SAMD12: variants seen among roughly 807,000 people sequenced by gnomAD.
SAMD12 encodes sterile alpha motif domain-containing protein 12.
SAMD12 carries 9 observed loss-of-function variants against 15.0 expected under a neutral mutation model. The ratio of observed to expected loss-of-function variants is 0.60; its 90% confidence interval spans 0.36 to 1.05. SAMD12 has a LOEUF of 1.05. Among genes scored for constraint, SAMD12 ranks in the 50% least tolerant of loss-of-function variants. The pLI is 0.01. For missense variants in SAMD12, 230 were observed against 234.2 expected (o/e 0.98, Z 0.12); for synonymous variants, 86 against 90.1 (o/e 0.96, Z 0.25).
chr8:118,307,227 T>C (rs1375530794), intron 4 of SAMD12, among the ~76,000 whole-genome samples: 2 of 152,218 alleles, frequency 1.3e-5, no homozygotes, highest in Non-Finnish European at 2.9e-5. Flanking sequence ...ACCTATACTT[T>C]ATTCAAGTGG....
chr8:118,262,967 T>C (rs1036938816), intron 4 of SAMD12, among the ~76,000 whole-genome samples: 1 of 152,124 alleles, frequency 6.6e-6, no homozygotes, highest in South Asian at 2.1e-4. Flanking sequence ...ATTAGTTTTA[T>C]TTTTATAATT....
chr8:118,243,132 T>C (rs1425782489), intron 4 of SAMD12, among the ~76,000 whole-genome samples: 1 of 152,180 alleles, frequency 6.6e-6, no homozygotes, highest in African/African-American at 2.4e-5. Context: ...AACCTTGAGC[T>C]AGATGTACAC....
chr8:118,606,663 G>C (rs1029626142), intron 1 of SAMD12, among the ~76,000 whole-genome samples: 4 of 152,050 alleles, frequency 2.6e-5, no homozygotes, highest in African/African-American at 7.2e-5. Flanking sequence ...CAGCATAGTG[G>C]TACTTAGCAA....
At chr8:118,210,350 A>T (rs751343746) in intron 4 of SAMD12, among the ~76,000 whole-genome samples, 25 of 152,160 alleles carry the variant, frequency 1.6e-4, no homozygotes, top group Non-Finnish European at 1.5e-4. Flanking sequence ...CCAGGATGAA[A>T]CCTGCTCTGG....
chr8:118,617,689 G>A (rs2131327227), intron 1 of SAMD12, among the ~76,000 whole-genome samples: 1 of 152,156 alleles, frequency 6.6e-6, no homozygotes, highest in South Asian at 2.1e-4. Context: ...AAAGGAATTG[G>A]GGATGAGGGG....
chr8:118,285,917 G>T (rs188579140), intron 4 of SAMD12, among the ~76,000 whole-genome samples: 1 of 152,252 alleles, frequency 6.6e-6, no homozygotes, highest in East Asian at 1.9e-4. Flanking sequence ...GCTGAGCCTG[G>T]TCAGGGAGAA....
In SAMD12 at chr8:118,242,301, T is replaced by C. The variant is rs1192323799; in HGVS notation, c.434-44569A>G. Among the ~76,000 whole-genome samples the C allele has an allele frequency of 2.6e-5, 4 of 152,116 alleles. No individual in the cohort carries two copies. In the East Asian group the frequency reaches 5.8e-4, roughly 22 times the overall value. On this transcript the variant is annotated intron_variant, in intron 4 of 4. Coordinates refer to the SAMD12 transcript ENST00000409003. The stretch of plus-strand genomic sequence containing the variant: ...AGAAAGTTAACACAAAGATGACAGA[T>C]TGTCAAAATATAGGCCAGAAAACCT...
At chr8:118,321,618 G>GA (rs756906203) in intron 4 of SAMD12, among the ~76,000 whole-genome samples, 2 of 113,050 alleles carry the variant, frequency 1.8e-5, no homozygotes, top group African/African-American at 5.3e-5. Context: ...TGTCTCAAAA[G>GA]AAAAAATGAA....
At chr8:118,397,824 G>C (rs959912554) in intron 3 of SAMD12, among the ~76,000 whole-genome samples, 1 of 151,910 alleles carries the variant, frequency 6.6e-6, no homozygotes, top group Admixed American at 6.6e-5. Flanking sequence ...ACTGGGTCTC[G>C]CTCTGTCACC....
intron 4 of SAMD12, among the ~76,000 whole-genome samples, chr8:118,251,647 A>G (rs567058715): frequency 1.3e-5 from 2 of 152,238 alleles, no homozygotes; most frequent in African/African-American, 4.8e-5. Context: ...CAATGGGGAA[A>G]TTAAATTTAT....
chr8:118,424,019 C>T (rs1053626363), intron 3 of SAMD12, among the ~76,000 whole-genome samples: 1 of 151,948 alleles, frequency 6.6e-6, no homozygotes, highest in Non-Finnish European at 1.5e-5. Flanking sequence ...GTATTCGATG[C>T]TAAGTATATG....
At chr8:118,468,917 T>C (rs1823677374) in intron 2 of SAMD12, among the ~76,000 whole-genome samples, 1 of 152,200 alleles carries the variant, frequency 6.6e-6, no homozygotes, top group South Asian at 2.1e-4. Context: ...TCCAAAAGTA[T>C]TAAGTTGCAG....
intron 4 of SAMD12, among the ~76,000 whole-genome samples, chr8:118,318,310 G>GTGTA (rs1322305346): frequency 4.4e-5 from 5 of 113,326 alleles, no homozygotes; most frequent in African/African-American, 1.6e-4. Flanking sequence ...AGATATATGT[G>GTGTA]TATATATATA....
At chr8:118,146,735 CA>C in the SAMD12 span, among the ~76,000 whole-genome samples, 5 of 151,992 alleles carry the variant, frequency 3.3e-5, no homozygotes, top group Non-Finnish European at 7.4e-5. Flanking sequence ...GGCAACAGAA[CA>C]AAAAACTGAC....
Position 118,379,016 on chromosome 8 carries a change from G to C in SAMD12, c.*401C>G. 1 of 1,000,204 alleles carries C rather than the reference G, an allele frequency of 1.0e-6. No individual in the cohort carries two copies. The highest frequency in any genetic ancestry group is 1.2e-6 in the Non-Finnish European group (1 of 834,440). 62.0% of individuals were successfully genotyped at this position (1,000,204 alleles called of 1,614,324 possible). On this transcript the variant is annotated 3_prime_UTR_variant, in exon 4 of 4. Transcript: ENST00000314727. ...TTCTTACAATCTCTAAAGTGTGTGTGTATAATACATTCATGTATAGTAATA... is the reference window on the plus strand; with the variant it reads ...TTCTTACAATCTCTAAAGTGTGTGTCTATAATACATTCATGTATAGTAATA...
intron 2 of SAMD12, among the ~76,000 whole-genome samples, chr8:118,470,004 C>A (rs1410801448): frequency 1.1e-4 from 17 of 152,010 alleles, no homozygotes; most frequent in Admixed American, 1.1e-3. Flanking sequence ...CACGCACATA[C>A]ATATATATGT....
chr8:118,187,324 C>G (rs1044600283), downstream of SAMD12, among the ~76,000 whole-genome samples: 2 of 152,118 alleles, frequency 1.3e-5, no homozygotes, highest in African/African-American at 4.8e-5. Flanking sequence ...TTACAGTGTA[C>G]ATACATCTAT....
chr8:118,276,878 G>A (rs75201213), intron 4 of SAMD12, among the ~76,000 whole-genome samples: 3,159 of 152,190 alleles, frequency 0.021, 177 homozygotes, highest in East Asian at 0.19. Flanking sequence ...TCGCCATGTT[G>A]ACCAGGCTGG....
At chr8:118,290,503 T>G (rs1393676363) in intron 4 of SAMD12, among the ~76,000 whole-genome samples, 1 of 152,178 alleles carries the variant, frequency 6.6e-6, no homozygotes, top group African/African-American at 2.4e-5. Flanking sequence ...CTATTTTTCC[T>G]TCTTAGAAAA....
Sources: gnomAD v4.1 joint callset for allele counts (sites outside exome capture counted in the v4.1 genomes callset) on GRCh38, gnomAD v4.1.1 for gene constraint, MANE v1.5 for transcripts, NCBI Gene and HGNC (gene_info 2026-07-23, HGNC 2026-07-21) for gene names.